PGPEP1L: variants seen among roughly 807,000 people sequenced by gnomAD.
PGPEP1L encodes the protein pyroglutamyl-peptidase I like, also known as pyroglutamyl-peptidase 1-like protein.
In PGPEP1L, 7 loss-of-function variants were observed where a neutral mutation model predicts 6.0. That is an observed-to-expected ratio of 1.17 (90% CI 0.66 to 2.19). The LOEUF (loss-of-function observed/expected upper bound fraction) is 2.19, where lower values mean the gene tolerates loss of function less well. Ranked by LOEUF, PGPEP1L falls within the 30% of genes most tolerant of loss-of-function variation. PGPEP1L has a pLI of 0.00. For synonymous variants in PGPEP1L, 103 were observed against 83.9 expected, an observed-to-expected ratio of 1.23 and a Z score of -1.24; for missense variants, 209 against 192.5, an observed-to-expected ratio of 1.09 and a Z score of -0.51.
intron 2 of PGPEP1L, among the ~76,000 whole-genome samples, chr15:99,003,531 T>A (rs1191762627): frequency 2.0e-5 from 3 of 152,146 alleles, no homozygotes; most frequent in Non-Finnish European, 4.4e-5. Context: ...GGTGCCAGTC[T>A]GAACACTTTG....
chr15:98,977,003 C>CAAAAAA (rs11385185), intron 2 of PGPEP1L, among the ~76,000 whole-genome samples: 1 of 128,960 alleles, frequency 7.8e-6, no homozygotes, highest in African/African-American at 2.9e-5. Context: ...AGTAAAATGG[C>CAAAAAA]AAAAAAAAAA....
chr15:98,992,168 T>A (rs1555472149), intron 2 of PGPEP1L, among the ~76,000 whole-genome samples: 1 of 152,220 alleles, frequency 6.6e-6, no homozygotes, highest in Admixed American at 6.5e-5. Flanking sequence ...TGTCTCTGTT[T>A]GCAGATGAAA....
chr15:98,970,156 A>C (rs571606457), intron 3 of PGPEP1L, among the ~76,000 whole-genome samples: 6 of 151,258 alleles, frequency 4.0e-5, no homozygotes, highest in South Asian at 2.1e-4. Context: ...TCAAGTGATT[A>C]TCCTGCCTCA....
At chr15:98,998,093 G>C (rs2017912696) in intron 2 of PGPEP1L, 1 of 152,638 alleles carries the variant, frequency 6.6e-6, no homozygotes, top group Admixed American at 6.5e-5. Context: ...CCTGGGTCTT[G>C]AGCTACAGGG....
intron 4 of PGPEP1L, 30 bp from the exon 5 acceptor site, chr15:98,968,727 C>T (rs1389763380): frequency 6.5e-7 from 1 of 1,542,428 alleles, no homozygotes; most frequent in Non-Finnish European, 8.8e-7. Flanking sequence ...CACATTAATT[C>T]TCGGACCAGC....
chr15:98,981,997 G>C (rs933167041), intron 2 of PGPEP1L, among the ~76,000 whole-genome samples: 2 of 152,190 alleles, frequency 1.3e-5, no homozygotes, highest in African/African-American at 4.8e-5. Context: ...ATCTTGGTCT[G>C]GTTTTTCTGG....
At chr15:98,979,221 G>A (rs1219579884) in intron 2 of PGPEP1L, among the ~76,000 whole-genome samples, 3 of 151,852 alleles carry the variant, frequency 2.0e-5, no homozygotes, top group East Asian at 1.9e-4. Flanking sequence ...ATGGAACATC[G>A]AGCATTACTG....
At chr15:98,980,622 A>C (rs2017644786) in intron 2 of PGPEP1L, among the ~76,000 whole-genome samples, 1 of 151,962 alleles carries the variant, frequency 6.6e-6, no homozygotes, top group African/African-American at 2.4e-5. Context: ...GACAGGATAG[A>C]AGTGGGGACA....
rs182919898 is a variant in PGPEP1L at position 99,007,640 on chromosome 15, C to G, written c.-651G>C. On this transcript the variant is annotated 5_prime_UTR_variant, in exon 1 of 5. Coordinates refer to ENST00000535714, the MANE Select transcript of PGPEP1L (RefSeq NM_001167902.2). The stretch of plus-strand genomic sequence containing the variant: ...TTCTCCCGGTGGGTCCGTGATGTGG[C>G]TGGCTTTAAGAACGAAGCTGCAGAC... 1.3e-5 allele frequency: 2 copies of G among 151,994 alleles called. No homozygotes were observed. Among genetic ancestry groups the G allele is most frequent in the African/African-American group, 4.8e-5 (2 of 41,426 alleles). The allele number at this position is 151,994 out of a possible 1,614,324, so 9.4% of individuals were successfully genotyped here.
intron 2 of PGPEP1L, among the ~76,000 whole-genome samples, chr15:98,991,221 AAT>A (rs1276931151): frequency 2.6e-5 from 4 of 152,172 alleles, no homozygotes; most frequent in African/African-American, 9.6e-5. Flanking sequence ...TAGCCAGACT[AAT>A]AAAGAAAAGA....
chr15:99,002,090 C>T (rs2017980434), intron 2 of PGPEP1L, among the ~76,000 whole-genome samples: 1 of 152,120 alleles, frequency 6.6e-6, no homozygotes, highest in Non-Finnish European at 1.5e-5. Context: ...TAGCTTACTG[C>T]AGCTTCCATC....
rs117193571 is a variant in PGPEP1L at position 98,985,553 on chromosome 15, A to C, written c.-141-14395T>G. The stretch of plus-strand genomic sequence containing the variant: ...ACTCCATCTCAAAACAAACAAACAA[A>C]CAACCAAACAAAAAACCCACTCTTG... On this transcript the variant is annotated intron_variant, in intron 2 of 4. Coordinates refer to ENST00000535714, the MANE Select transcript of PGPEP1L (RefSeq NM_001167902.2). Among the ~76,000 whole-genome samples, 296 of 152,078 alleles carry C rather than the reference A, an allele frequency of 1.9e-3. 4 individuals carry two copies. Among genetic ancestry groups the C allele is most frequent in the East Asian group, 0.011 (58 of 5,148 alleles).
At chr15:98,969,711 A>G (rs73465778) in intron 3 of PGPEP1L, 60 bp from the exon 4 acceptor site, 64,720 of 1,548,232 alleles carry the variant, frequency 0.042, 2,271 homozygotes, top group African/African-American at 0.18. Flanking sequence ...CTGCTCACCA[A>G]ATGTGCAGAA....
chr15:98,976,145 T>A (rs1426541226), intron 2 of PGPEP1L, among the ~76,000 whole-genome samples: 1 of 152,156 alleles, frequency 6.6e-6, no homozygotes, highest in South Asian at 2.1e-4. Context: ...ACGATAGTAA[T>A]GATAGTTGTA....
chr15:98,980,851 G>A lies in PGPEP1L; in HGVS notation c.-141-9693C>T, dbSNP rs28861226. Among the ~76,000 whole-genome samples, 478 of 151,848 alleles carry A rather than the reference G, an allele frequency of 3.1e-3. 2 individuals are homozygous for A. Among genetic ancestry groups the A allele is most frequent in the African/African-American group, 0.011 (460 of 41,392 alleles). On this transcript the variant is annotated intron_variant, in intron 2 of 4. Coordinates refer to ENST00000535714, the MANE Select transcript of PGPEP1L (RefSeq NM_001167902.2). ...GGAGGCTGAGCCAGGAGAATTGCTCGAACCTGGGGGGCAGAGCTTGCACTG... is the reference window on the plus strand; with the variant it reads ...GGAGGCTGAGCCAGGAGAATTGCTCAAACCTGGGGGGCAGAGCTTGCACTG...
chr15:99,001,147 A>T (rs2017962159), intron 2 of PGPEP1L: 3 of 446,974 alleles, frequency 6.7e-6, no homozygotes, highest in Non-Finnish European at 1.3e-5. Flanking sequence ...GTCAAGAAAT[A>T]AACTCTGGAC....
At chr15:98,999,619 C>T (rs539084562) in intron 2 of PGPEP1L, among the ~76,000 whole-genome samples, 3 of 152,238 alleles carry the variant, frequency 2.0e-5, no homozygotes, top group African/African-American at 7.2e-5. Flanking sequence ...GAAGTGTATA[C>T]AAAAACGTTC....
chr15:98,974,246 G>C (rs886742387), intron 2 of PGPEP1L, among the ~76,000 whole-genome samples: 1 of 152,114 alleles, frequency 6.6e-6, no homozygotes, highest in South Asian at 2.1e-4. Flanking sequence ...AGGCCTGCTG[G>C]CGCACGCCTG....
At chr15:99,000,445 A>T (rs1217528916) in intron 2 of PGPEP1L, among the ~76,000 whole-genome samples, 1 of 152,218 alleles carries the variant, frequency 6.6e-6, no homozygotes, top group Non-Finnish European at 1.5e-5. Flanking sequence ...CGGGATCCAC[A>T]GGGTAAAGCC....
Sources: gnomAD v4.1 joint callset for allele counts (sites outside exome capture counted in the v4.1 genomes callset) on GRCh38, gnomAD v4.1.1 for gene constraint, MANE v1.5 for transcripts, NCBI Gene and HGNC (gene_info 2026-07-23, HGNC 2026-07-21) for gene names.